Variants in ALG6 observed in about 807,000 individuals in gnomAD.
The protein encoded by ALG6 is ALG6 alpha-1,3-glucosyltransferase.
A neutral mutation model predicts 66.6 loss-of-function variants in ALG6; 46 were observed. The observed-to-expected ratio is 0.69, with a 90% CI of 0.55 to 0.88. ALG6 has a LOEUF of 0.88. ALG6 is among the 40% of genes least tolerant of loss of function. ALG6 has a pLI of 0.00. For missense variants in ALG6, 505 were observed against 586.8 expected (o/e 0.86, Z 1.44); for synonymous variants, 185 against 203.7 (o/e 0.91, Z 0.78).
chr1:63,413,926 T>A, intron 9 of ALG6, 135 bp from the exon 10 acceptor site: 5 of 652,490 alleles, frequency 7.7e-6, no homozygotes, highest in Non-Finnish European at 1.4e-5. Context: ...CTGGAGGATT[T>A]AATCTATTTA....
intron 12 of ALG6, among the ~76,000 whole-genome samples, chr1:63,426,073 A>T (rs1256305229): frequency 6.6e-6 from 1 of 152,172 alleles, no homozygotes; most frequent in East Asian, 1.9e-4. Flanking sequence ...TGTATATGTT[A>T]AAATTGCCAA....
intron 2 of ALG6, among the ~76,000 whole-genome samples, chr1:63,382,613 A>G (rs1648354353): frequency 6.7e-6 from 1 of 148,304 alleles, no homozygotes; most frequent in African/African-American, 2.5e-5. Context: ...AGCTAGGATT[A>G]TAGGCACGTG....
At chr1:63,382,501 G>A (rs536430201) in intron 2 of ALG6, among the ~76,000 whole-genome samples, 2 of 151,994 alleles carry the variant, frequency 1.3e-5, no homozygotes, top group African/African-American at 2.4e-5. Flanking sequence ...TGAGACAAGA[G>A]CCTCGCTCTG....
At chr1:63,424,149 T>A (rs1196769259) in intron 12 of ALG6, among the ~76,000 whole-genome samples, 1 of 150,002 alleles carries the variant, frequency 6.7e-6, no homozygotes, top group Non-Finnish European at 1.5e-5. Context: ...CCTTTGCCTA[T>A]TTTTTTTTTG....
At chr1:63,422,851 A>C (rs1294462661) in intron 12 of ALG6, among the ~76,000 whole-genome samples, 1 of 151,970 alleles carries the variant, frequency 6.6e-6, no homozygotes, top group South Asian at 2.1e-4. Context: ...GCTACTCGGG[A>C]GGGTGAGGCA....
intron 12 of ALG6, among the ~76,000 whole-genome samples, chr1:63,422,244 A>AATATATATATTTATATAGAT (rs1644584204): frequency 1.1e-4 from 3 of 26,832 alleles, no homozygotes; most frequent in Admixed American, 6.6e-4. Flanking sequence ...TATATATATA[A>AATATATATATTTATATAGAT]ATATATATAT....
At chr1:63,375,022 C>T (rs1648071154) in intron 2 of ALG6, among the ~76,000 whole-genome samples, 1 of 152,012 alleles carries the variant, frequency 6.6e-6, no homozygotes, top group African/African-American at 2.4e-5. Flanking sequence ...CCAGCCTAGC[C>T]AACATGGTGA....
At chr1:63,378,716 G>C (rs533234719) in intron 2 of ALG6, among the ~76,000 whole-genome samples, 2 of 151,862 alleles carry the variant, frequency 1.3e-5, no homozygotes, top group Admixed American at 6.6e-5. Flanking sequence ...TACAACTCTT[G>C]TTAGATGTAT....
At chr1:63,378,764 C>G (rs771332236) in intron 2 of ALG6, among the ~76,000 whole-genome samples, 3 of 151,482 alleles carry the variant, frequency 2.0e-5, no homozygotes, top group Non-Finnish European at 2.9e-5. Context: ...GTTTCATAAT[C>G]TCTTGTATTT....
intron 2 of ALG6, among the ~76,000 whole-genome samples, chr1:63,377,382 A>T (rs934525656): frequency 6.6e-6 from 1 of 152,110 alleles, no homozygotes; most frequent in African/African-American, 2.4e-5. Flanking sequence ...TTTGCTTGTT[A>T]TATCTTTTTC....
intron 2 of ALG6, among the ~76,000 whole-genome samples, chr1:63,388,432 T>C (rs898444376): frequency 2.6e-5 from 4 of 152,238 alleles, no homozygotes; most frequent in Non-Finnish European, 4.4e-5. Context: ...TACTTAATAC[T>C]GATTGTAAAA....
intron 14 of ALG6, among the ~76,000 whole-genome samples, chr1:63,436,222 TATTC>T (rs1218311364): frequency 2.0e-5 from 3 of 152,204 alleles, no homozygotes; most frequent in Non-Finnish European, 4.4e-5. Context: ...TTGATTCATT[TATTC>T]ATTCATGTAA....
At chr1:63,414,603 A>G (rs1644533246) in intron 10 of ALG6, among the ~76,000 whole-genome samples, 1 of 152,214 alleles carries the variant, frequency 6.6e-6, no homozygotes, top group Non-Finnish European at 1.5e-5. Flanking sequence ...GCTCTGTACA[A>G]TAAAACTCTT....
At chr1:63,432,010 C>T (rs1205318613) in intron 14 of ALG6, among the ~76,000 whole-genome samples, 2 of 151,986 alleles carry the variant, frequency 1.3e-5, no homozygotes, top group Non-Finnish European at 2.9e-5. Context: ...TCTTACTTGC[C>T]TAATTGCCCT....
intron 12 of ALG6, among the ~76,000 whole-genome samples, chr1:63,422,816 G>A (rs1557595618): frequency 1.3e-5 from 2 of 151,860 alleles, no homozygotes; most frequent in Admixed American, 6.6e-5. Context: ...TTAGCTGGGT[G>A]TGGTGATGCA....
At chr1:63,411,861 C>T (rs1293667590) in intron 8 of ALG6, 65 bp from the exon 9 acceptor site, 1 of 1,601,956 alleles carries the variant, frequency 6.2e-7, no homozygotes, top group East Asian at 2.2e-5. Flanking sequence ...CAGTGAGACT[C>T]AGGTTGATTT....
At position 63,438,004 on chromosome 1, in the gene ALG6, G is replaced by A. The variant is rs1207684824; in HGVS notation, c.*984G>A. 6.6e-6 allele frequency: 1 copy of A among 151,908 alleles called. No homozygotes were observed. Among genetic ancestry groups the A allele is most frequent in the Non-Finnish European group, 1.5e-5 (1 of 68,014 alleles). The allele number at this position is 151,908 out of a possible 1,614,324, so 9.4% of individuals were successfully genotyped here. A position where few individuals can be genotyped will look rare whatever the true frequency, so the allele number is the denominator to read the frequency against. ...CTCATATAAAGATATGTTTTCTTTA[G>A]CCTCTGTAATAAAGATAATCATTTT... On this transcript the variant is annotated 3_prime_UTR_variant, in exon 15 of 15. Coordinates refer to ENST00000263440, the MANE Select transcript of ALG6 (RefSeq NM_013339.4).
At chr1:63,370,177 G>T (rs1185606957) in intron 1 of ALG6, among the ~76,000 whole-genome samples, 1 of 148,246 alleles carries the variant, frequency 6.7e-6, no homozygotes, top group Non-Finnish European at 1.5e-5. Context: ...AAAAAAAAAA[G>T]TAAGTGGTTA....
rs546976175 is a variant in ALG6, at chr1:63,432,822, G to A, written c.1326+3696G>A. ...CACTCTGTTGCCTAGGCGGGAGTGCGGTGGTGCATTTTTAACTCACTGCAA... is the reference window on the plus strand; with the variant it reads ...CACTCTGTTGCCTAGGCGGGAGTGCAGTGGTGCATTTTTAACTCACTGCAA... On this transcript the variant is annotated intron_variant, in intron 14 of 14. Coordinates refer to ENST00000263440, the MANE Select transcript of ALG6 (RefSeq NM_013339.4). Among the ~76,000 whole-genome samples, 64 of 152,274 alleles carry A rather than the reference G, an allele frequency of 4.2e-4. No individual in the cohort carries two copies. The South Asian group carries it at 0.011, about 26-fold the overall frequency.
Sources: allele counts gnomAD v4.1 joint callset (sites outside exome capture counted in the v4.1 genomes callset), GRCh38; gene constraint gnomAD v4.1.1; transcripts MANE v1.5; gene names NCBI Gene and HGNC (gene_info 2026-07-23, HGNC 2026-07-21).